Variants in TBC1D19 observed in about 807,000 individuals in gnomAD.
TBC1D19 encodes the protein TBC1 domain family, member 19.
In TBC1D19, 60 loss-of-function variants were observed where a neutral mutation model predicts 89.0. The ratio of observed to expected loss-of-function variants is 0.67; its 90% CI spans 0.55 to 0.84. The LOEUF (loss-of-function observed/expected upper bound fraction) is 0.84, where lower values mean the gene tolerates loss of function less well. Ranked by LOEUF, TBC1D19 falls within the 40% of genes least tolerant of loss-of-function variation. TBC1D19 has a pLI of 0.00. For synonymous variants in TBC1D19, 189 were observed against 199.7 expected (o/e 0.95, Z 0.45); for missense variants, 500 against 610.8 (o/e 0.82, Z 1.91).
At chr4:26,786,797 G>GGA in the TBC1D19 span, among the ~76,000 whole-genome samples, 3 of 67,564 alleles carry the variant, frequency 4.4e-5, no homozygotes, top group Admixed American at 3.4e-4. Context: ...GGATGGATGG[G>GGA]TGGGTGGAAG....
intron 15 of TBC1D19, among the ~76,000 whole-genome samples, chr4:26,734,956 G>A (rs201951418): frequency 1.0e-4 from 6 of 57,694 alleles, no homozygotes; most frequent in African/African-American, 2.3e-4. Flanking sequence ...ATACACATAT[G>A]TATATGTATA....
chr4:26,807,625 C>A, the TBC1D19 span, among the ~76,000 whole-genome samples: 1 of 152,180 alleles, frequency 6.6e-6, no homozygotes, highest in Non-Finnish European at 1.5e-5. Flanking sequence ...TTGGCGAGTT[C>A]ATCTCTCCCA....
At chr4:26,679,845 GT>G (rs1250665808) in intron 11 of TBC1D19, among the ~76,000 whole-genome samples, 2 of 152,196 alleles carry the variant, frequency 1.3e-5, no homozygotes, top group Non-Finnish European at 2.9e-5. Flanking sequence ...GGGCATGATT[GT>G]GTTTTTAATT....
chr4:26,620,353 G>C (rs1396760476), intron 3 of TBC1D19, among the ~76,000 whole-genome samples: 4 of 152,168 alleles, frequency 2.6e-5, no homozygotes, highest in Admixed American at 2.6e-4. Flanking sequence ...GTATGTGTTT[G>C]TGATTATTGG....
chr4:26,608,364 A>G (rs1167619057), intron 1 of TBC1D19, among the ~76,000 whole-genome samples: 1 of 152,162 alleles, frequency 6.6e-6, no homozygotes, highest in Non-Finnish European at 1.5e-5. Context: ...CAAACAAGAA[A>G]AGGCTCATTG....
the TBC1D19 span, among the ~76,000 whole-genome samples, chr4:26,826,932 C>T: frequency 3.9e-5 from 6 of 152,194 alleles, no homozygotes; most frequent in African/African-American, 1.2e-4. Context: ...AGTTCAACCC[C>T]CTACTGAGAT....
chr4:26,774,032 C>A, the TBC1D19 span, among the ~76,000 whole-genome samples: 6 of 152,282 alleles, frequency 3.9e-5, no homozygotes, highest in South Asian at 1.2e-3. Context: ...CGCATTAACC[C>A]AATACTCAGT....
the TBC1D19 span, among the ~76,000 whole-genome samples, chr4:26,782,781 C>A: frequency 1.3e-5 from 2 of 148,710 alleles, no homozygotes; most frequent in African/African-American, 5.0e-5. Context: ...AATAAGAAAA[C>A]AGAGCATACT....
intron 1 of TBC1D19, among the ~76,000 whole-genome samples, chr4:26,607,827 C>G (rs1741107719): frequency 6.6e-6 from 1 of 152,138 alleles, no homozygotes; most frequent in African/African-American, 2.4e-5. Context: ...CAAATGCATG[C>G]TTGATGATAA....
At position 26,716,784 on chromosome 4, in the gene TBC1D19, C is replaced by T. The variant is rs555391493; in HGVS notation, c.955-1149C>T. On this transcript the variant is annotated intron_variant, in intron 13 of 20. Coordinates refer to ENST00000264866, the MANE Select transcript of TBC1D19 (RefSeq NM_018317.4). ...TATGGCTGTTTCCCCTTTTGTTTATCATCTGTATTTCTTTATTTTTAAAAT... is the reference window on the plus strand; with the variant it reads ...TATGGCTGTTTCCCCTTTTGTTTATTATCTGTATTTCTTTATTTTTAAAAT... 3.9e-5 allele frequency among the ~76,000 whole-genome samples: 6 copies of T among 151,920 alleles called. No individual in the cohort carries two copies. In the East Asian group the frequency reaches 1.2e-3, roughly 29 times the overall value.
At chr4:26,828,607 A>G in the TBC1D19 span, among the ~76,000 whole-genome samples, 29 of 152,364 alleles carry the variant, frequency 1.9e-4, no homozygotes, top group South Asian at 5.4e-3. Flanking sequence ...AGCGGTTGAG[A>G]GTGTGGGCTC....
chr4:26,735,575 T>C, intron 16 of TBC1D19, 88 bp downstream of exon 16: 1 of 1,210,586 alleles, frequency 8.3e-7, no homozygotes, highest in East Asian at 2.8e-5. Flanking sequence ...CAGATATAAT[T>C]GTTTTACTAT....
At chr4:26,762,680 T>C in the TBC1D19 span, among the ~76,000 whole-genome samples, 1 of 152,200 alleles carries the variant, frequency 6.6e-6, no homozygotes, top group African/African-American at 2.4e-5. Flanking sequence ...TATTAACAAT[T>C]TTGAGATGGG....
At chr4:26,680,120 G>A (rs1038083317) in intron 11 of TBC1D19, among the ~76,000 whole-genome samples, 1 of 152,070 alleles carries the variant, frequency 6.6e-6, no homozygotes, top group East Asian at 1.9e-4. Flanking sequence ...GTGAAGAGGT[G>A]CCTTCCACCA....
intron 7 of TBC1D19, among the ~76,000 whole-genome samples, chr4:26,642,150 A>G (rs1173900165): frequency 6.6e-6 from 1 of 152,214 alleles, no homozygotes; most frequent in Non-Finnish European, 1.5e-5. Context: ...GGTTGAAATG[A>G]AGGAAAACAT....
chr4:26,580,715 T>A (rs1739046245), upstream of TBC1D19, among the ~76,000 whole-genome samples: 1 of 152,220 alleles, frequency 6.6e-6, no homozygotes, highest in Non-Finnish European at 1.5e-5. Flanking sequence ...GTGGAAAGTA[T>A]TTTTCACTGC....
chr4:26,606,734 A>G (rs1427962880), intron 1 of TBC1D19, among the ~76,000 whole-genome samples: 2 of 152,214 alleles, frequency 1.3e-5, no homozygotes, highest in African/African-American at 4.8e-5. Context: ...CTACAGTTCC[A>G]TGGGGCATAG....
At chr4:26,696,329 C>A (rs543562111) in intron 13 of TBC1D19, among the ~76,000 whole-genome samples, 4 of 152,164 alleles carry the variant, frequency 2.6e-5, no homozygotes, top group Admixed American at 6.5e-5. Context: ...TATATATGCA[C>A]CCGATACAGG....
At chr4:26,585,638 C>G (rs913088808) in intron 1 of TBC1D19, among the ~76,000 whole-genome samples, 2 of 151,538 alleles carry the variant, frequency 1.3e-5, no homozygotes, top group Non-Finnish European at 2.9e-5. Flanking sequence ...GGCTGGAGTG[C>G]AGTGGTGTGA....
Sources: allele counts gnomAD v4.1 joint callset (sites outside exome capture counted in the v4.1 genomes callset), GRCh38; gene constraint gnomAD v4.1.1; transcripts MANE v1.5; gene names NCBI Gene and HGNC (gene_info 2026-07-23, HGNC 2026-07-21).